Variants in MIS18BP1 observed in about 807,000 individuals in gnomAD.
MIS18BP1 encodes MIS18 binding protein 1.
MIS18BP1 carries 72 observed loss-of-function variants against 116.1 expected under a neutral mutation model. That is an observed-to-expected ratio of 0.62 (90% CI 0.51 to 0.75). The LOEUF is 0.75. Ranked by LOEUF, MIS18BP1 falls within the 30% of genes least tolerant of loss-of-function variation. The pLI, the probability that MIS18BP1 is intolerant of heterozygous loss-of-function variation, is 0.00. For synonymous variants in MIS18BP1, 386 were observed against 427.0 expected (o/e 0.90, Z 1.18); for missense variants, 1,363 against 1,303.2 (o/e 1.05, Z -0.71).
At position 45,246,875 on chromosome 14, in the gene MIS18BP1, C is replaced by T; in HGVS notation, c.412G>A (p.Glu138Lys). 6.2e-7 allele frequency: 1 copy of T among 1,612,152 alleles called. No individual in the cohort carries two copies. Among genetic ancestry groups the T allele is most frequent in the Non-Finnish European group, 8.5e-7 (1 of 1,179,546 alleles). ...EQPSRNSSLL[E>K]PQKSGNNETF... ...TCATTATTTCCACTTTTCTGTGGTT[C>T]CAACAAACTACTGTTTCTTGATGGC... is the stretch of plus-strand genomic sequence containing the variant. The change falls in exon 2 of 17, where the codon GAA becomes AAA. Residue 138 changes from glutamate (E) to lysine (K), a missense_variant. Physicochemically the swap from Glu to Lys is moderately conservative, Grantham distance 56. Coordinates refer to ENST00000310806, the MANE Select transcript of MIS18BP1 (RefSeq NM_018353.5).
At chr14:45,206,219 CT>C (rs1223794866) in intron 14 of MIS18BP1, 49 bp from the exon 15 acceptor site, 1 of 1,289,172 alleles carries the variant, frequency 7.8e-7, no homozygotes, top group Non-Finnish European at 1.1e-6. Context: ...TTAAGTCAAC[CT>C]AATAATTTTA....
At chr14:45,239,348 A>G (rs890588563) in intron 4 of MIS18BP1, among the ~76,000 whole-genome samples, 1 of 152,220 alleles carries the variant, frequency 6.6e-6, no homozygotes, top group African/African-American at 2.4e-5. Context: ...AAGGCATTAG[A>G]TAAATGAGGT....
At chr14:45,213,691 C>T (rs1161608534) in intron 13 of MIS18BP1, among the ~76,000 whole-genome samples, 1 of 152,092 alleles carries the variant, frequency 6.6e-6, no homozygotes, top group Non-Finnish European at 1.5e-5. Context: ...TATGCTTAGC[C>T]GTTAGTAGGA....
chr14:45,219,659 C>T (rs374083062), intron 11 of MIS18BP1, among the ~76,000 whole-genome samples: 2 of 152,098 alleles, frequency 1.3e-5, no homozygotes, highest in South Asian at 2.1e-4. Context: ...ACCAGCTGAC[C>T]ACAGCATATT....
In MIS18BP1 at chr14:45,227,811, A is replaced by C. The variant is rs1410981813; in HGVS notation, c.1598T>G (p.Leu533Arg). ...TYDFDCDNLE[L>R]KSNKHSESPG... is the part of the protein sequence containing the mutation. ...TGACTCACTGTGCTTATTACTCTTC[A>C]GTTCTATGAATACAAAGATGGAGAT... The change falls in exon 9 of 17, where the codon CTG becomes CGG. Residue 533 changes from leucine to arginine, a missense_variant. Transcript: ENST00000310806. 1 of 1,612,416 alleles carries C rather than the reference A, an allele frequency of 6.2e-7. No individual in the cohort carries two copies. Among genetic ancestry groups the C allele is most frequent in the Non-Finnish European group, 8.5e-7 (1 of 1,179,300 alleles).
chr14:45,219,264 A>T (rs1214768674), intron 11 of MIS18BP1, among the ~76,000 whole-genome samples: 1 of 152,152 alleles, frequency 6.6e-6, no homozygotes, highest in African/African-American at 2.4e-5. Flanking sequence ...ATTCCAATTA[A>T]TAGATATAGG....
chr14:45,206,421 G>C, intron 14 of MIS18BP1: 1 of 348,078 alleles, frequency 2.9e-6, no homozygotes, highest in Non-Finnish European at 5.3e-6. Context: ...CAAGTAGCTT[G>C]GACTACAGGC....
chr14:45,219,576 TAA>T (rs1348446911), intron 11 of MIS18BP1, among the ~76,000 whole-genome samples: 4 of 152,242 alleles, frequency 2.6e-5, no homozygotes, highest in Admixed American at 6.5e-5. Flanking sequence ...TAAGTTTATA[TAA>T]TTTTTTAATG....
intron 13 of MIS18BP1, 125 bp downstream of exon 13, chr14:45,216,894 A>G: frequency 1.0e-6 from 1 of 989,686 alleles, no homozygotes; most frequent in Non-Finnish European, 1.5e-6. Flanking sequence ...CCATAAGACT[A>G]TGATCATGTC....
chr14:45,232,220 T>C (rs953251066), intron 7 of MIS18BP1, among the ~76,000 whole-genome samples: 1 of 151,258 alleles, frequency 6.6e-6, no homozygotes, highest in African/African-American at 2.4e-5. Flanking sequence ...ATCGAGACCA[T>C]CCTGGCTAAC....
In MIS18BP1 at chr14:45,247,276, G is replaced by T. The variant is rs540137693; in HGVS notation, c.11C>A (p.Thr4Lys). 11 of 1,553,784 alleles carry T rather than the reference G, an allele frequency of 7.1e-6. 1 individual carries two copies. In the South Asian group the frequency reaches 1.2e-4, roughly 17 times the overall value. The change falls in exon 2 of 17, where the codon ACA becomes AAA. Residue 4 changes from threonine (T) to lysine (K), a missense_variant. By Grantham distance (78) the Thr-to-Lys change is moderately conservative. Coordinates refer to ENST00000310806, the MANE Select transcript of MIS18BP1 (RefSeq NM_018353.5). Reference protein sequence around the residue: MIATPLKHSRIYLP... With the variant: MIAKPLKHSRIYLP... Reference sequence around the variant, plus strand: ...GTAAATTCTTGAATGTTTCAAAGGTGTTGCAATCATCTTGACAAGAAAGTA... The same window carrying T: ...GTAAATTCTTGAATGTTTCAAAGGTTTTGCAATCATCTTGACAAGAAAGTA...
intron 11 of MIS18BP1, among the ~76,000 whole-genome samples, chr14:45,221,465 T>G (rs927130362): frequency 1.3e-5 from 2 of 149,924 alleles, no homozygotes; most frequent in Non-Finnish European, 1.5e-5. Context: ...TAAAATAAAA[T>G]AAAAGAATAT....
chr14:45,248,129 T>G (rs1330358763), intron 1 of MIS18BP1, among the ~76,000 whole-genome samples: 1 of 150,034 alleles, frequency 6.7e-6, no homozygotes, highest in East Asian at 2.0e-4. Flanking sequence ...GCAGTGGTGA[T>G]CTCAGCTCAC....
At chr14:45,240,598 G>A (rs184871981) in intron 4 of MIS18BP1, among the ~76,000 whole-genome samples, 1 of 152,146 alleles carries the variant, frequency 6.6e-6, no homozygotes, top group Non-Finnish European at 1.5e-5. Context: ...TCTTTCAAAT[G>A]TCTTGCTATA....
In MIS18BP1 at chr14:45,242,200, ACT is replaced by A; in HGVS notation, c.975_976del (p.Val326AlafsTer15). On this transcript the variant is annotated frameshift_variant, in exon 4 of 17. Coordinates refer to ENST00000310806, the MANE Select transcript of MIS18BP1 (RefSeq NM_018353.5). LOFTEE classifies it high-confidence loss of function. ...ACCTGGAAGACCTGTCTCTCCAGGCACTGTTTTTCCATTTCCTTCCTTAACTT... is the reference window on the plus strand; with the variant it reads ...ACCTGGAAGACCTGTCTCTCCAGGCAGTTTTTCCATTTCCTTCCTTAACTT... 6.2e-7 allele frequency: 1 copy of A among 1,614,086 alleles called. No homozygotes were observed. Among genetic ancestry groups the A allele is most frequent in the South Asian group, 1.1e-5 (1 of 91,082 alleles).
At position 45,218,323 on chromosome 14, in the gene MIS18BP1, T is replaced by G. The variant is rs372983927; in HGVS notation, c.2801A>C (p.His934Pro). ...ENPRGKGSQK[H>P]VTKKKPANSK... Reference sequence around the variant, plus strand: ...ATTGGCTGGCTTCTTCTTAGTGACATGTTTCTGGGATCCTTTTCCTCTGGG... The same window carrying G: ...ATTGGCTGGCTTCTTCTTAGTGACAGGTTTCTGGGATCCTTTTCCTCTGGG... Residue 934 changes from histidine to proline, a missense_variant, in exon 12 of 17, where the codon CAT (histidine) becomes CCT (proline). His to Pro is a moderately conservative substitution (Grantham distance 77, BLOSUM62 -2). Transcript: ENST00000310806. 17 of 1,613,990 alleles carry G rather than the reference T, an allele frequency of 1.1e-5. No individual in the cohort carries two copies. Among genetic ancestry groups the G allele is most frequent in the Non-Finnish European group, 1.4e-5 (17 of 1,180,008 alleles).
intron 4 of MIS18BP1, among the ~76,000 whole-genome samples, chr14:45,238,789 A>T (rs1891495434): frequency 6.6e-6 from 1 of 152,166 alleles, no homozygotes; most frequent in African/African-American, 2.4e-5. Context: ...AGGTGATGGA[A>T]CAAGACTCTG....
chr14:45,242,319 C>G lies in MIS18BP1; in HGVS notation c.858G>C (p.Glu286Asp), dbSNP rs148546352. 8.1e-6 allele frequency: 13 copies of G among 1,613,904 alleles called. No individual in the cohort carries two copies. Among genetic ancestry groups the G allele is most frequent in the African/African-American group, 1.3e-5 (1 of 74,898 alleles). ...ADEQFQNTNA[E>D]TLSTNCIPIK... is the part of the protein sequence containing the mutation. ...TAGGAATACAATTAGTACTGAGAGT[C>G]TCAGCATTAGTATTTTGAAATTGTT... Residue 286 changes from glutamate to aspartate, a missense_variant, in exon 4 of 17, where the codon GAG becomes GAC. Glu to Asp is a conservative substitution (Grantham distance 45, BLOSUM62 2). Coordinates refer to ENST00000310806, the MANE Select transcript of MIS18BP1 (RefSeq NM_018353.5).
chr14:45,221,898 G>C (rs935650907), intron 11 of MIS18BP1, among the ~76,000 whole-genome samples: 1 of 152,164 alleles, frequency 6.6e-6, no homozygotes, highest in Non-Finnish European at 1.5e-5. Flanking sequence ...TCACTTGTCA[G>C]TTTTTAACTC....
Sources: gnomAD v4.1 joint callset for allele counts (sites outside exome capture counted in the v4.1 genomes callset) on GRCh38, gnomAD v4.1.1 for gene constraint, MANE v1.5 for transcripts, NCBI Gene and HGNC (gene_info 2026-07-23, HGNC 2026-07-21) for gene names.